Variants in ASTN2 observed in about 807,000 individuals in gnomAD.
ASTN2 encodes the protein astrotactin-2.
In ASTN2, 54 loss-of-function variants were observed where a neutral mutation model predicts 139.8. The observed-to-expected ratio is 0.39, with a 90% CI of 0.31 to 0.48. The LOEUF (loss-of-function observed/expected upper bound fraction) is 0.48. Among genes scored for constraint, ASTN2 ranks in the 20% least tolerant of loss-of-function variants. ASTN2 has a pLI of 0.95. For missense variants in ASTN2, 1,565 were observed against 1,725.1 expected, an observed-to-expected ratio of 0.91 and a Z score of 1.64; for synonymous variants, 756 against 719.5, an observed-to-expected ratio of 1.05 and a Z score of -0.81.
At chr9:117,334,074 G>C (rs1391205947) in intron 1 of ASTN2, among the ~76,000 whole-genome samples, 1 of 152,146 alleles carries the variant, frequency 6.6e-6, no homozygotes, top group Non-Finnish European at 1.5e-5. Context: ...CAGATCATAT[G>C]GTTTTCCACA....
intron 19 of ASTN2, among the ~76,000 whole-genome samples, chr9:116,604,544 G>A (rs949040910): frequency 3.3e-5 from 5 of 152,114 alleles, no homozygotes; most frequent in Non-Finnish European, 7.3e-5. Context: ...GAGAGCAGGC[G>A]GGTGAGGTCC....
chr9:116,620,620 G>A (rs1318988826), intron 17 of ASTN2, among the ~76,000 whole-genome samples, 177 bp from the exon 18 acceptor site: 1 of 152,060 alleles, frequency 6.6e-6, no homozygotes, highest in African/African-American at 2.4e-5. Flanking sequence ...CCCATCCTGA[G>A]CCATCCCCTC....
At chr9:117,187,914 C>T (rs1831243853) in intron 3 of ASTN2, among the ~76,000 whole-genome samples, 1 of 152,096 alleles carries the variant, frequency 6.6e-6, no homozygotes, top group Non-Finnish European at 1.5e-5. Context: ...TTTGTTCCTC[C>T]CACGTTCTTG....
At chr9:117,289,696 A>G (rs1353629091) in intron 2 of ASTN2, among the ~76,000 whole-genome samples, 2 of 152,156 alleles carry the variant, frequency 1.3e-5, no homozygotes, top group African/African-American at 2.4e-5. Flanking sequence ...CCCATGAGGA[A>G]CTCAGCAAGT....
chr9:116,540,473 C>T (rs1045642028), intron 19 of ASTN2: 3 of 152,198 alleles, frequency 2.0e-5, no homozygotes, highest in Non-Finnish European at 2.9e-5. Context: ...TGGAATAACA[C>T]GTGAAGAGAG....
At chr9:116,741,992 T>C (rs1363478663) in intron 13 of ASTN2, among the ~76,000 whole-genome samples, 1 of 152,224 alleles carries the variant, frequency 6.6e-6, no homozygotes, top group African/African-American at 2.4e-5. Context: ...TTGTCAGGCA[T>C]TAGGAATACA....
rs1304793268 is a variant in ASTN2 at position 117,364,982 on chromosome 9, CACACACACACACACACAA to C, written c.442+49497_442+49514del. On this transcript the variant is annotated intron_variant, in intron 1 of 22. Coordinates refer to ENST00000313400, the MANE Select transcript of ASTN2 (RefSeq NM_001365068.1). ...ACACACACACACACACACACACACA[CACACACACACACACACAA>C]AATCAGCCATGCATTATGGCATGCA... Among the ~76,000 whole-genome samples, 30 of 147,220 alleles carry C rather than the reference CACACACACACACACACAA, an allele frequency of 2.0e-4. No homozygotes were observed. In the East Asian group the frequency reaches 5.0e-3, roughly 25 times the overall value.
At position 117,214,636 on chromosome 9, in the gene ASTN2, G is replaced by C. The variant is rs777371906; in HGVS notation, c.737C>G (p.Thr246Arg). ...GTAGTGGATCTCATGAGTGGCTTCT[G>C]TGCTTGCGCTCTTCTGGGGGATGCG... is the stretch of plus-strand genomic sequence containing the variant. Reference protein sequence around the residue: ...RRRIPQKSASTEATHEIHYIP... With the variant: ...RRRIPQKSASREATHEIHYIP... The change falls in exon 3 of 23, where the codon ACA (threonine) becomes AGA (arginine). Residue 246 changes from threonine to arginine, a missense_variant. Physicochemically the swap from Thr to Arg is moderately conservative, Grantham distance 71 (BLOSUM62 -1). Around this residue, in one of 4 missense-constraint regions of ASTN2, gnomAD observed 596 missense variants for 576.8 expected, o/e 1.03. Coordinates refer to ENST00000313400, the MANE Select transcript of ASTN2 (RefSeq NM_001365068.1). 6.3e-7 allele frequency: 1 copy of C among 1,579,288 alleles called. No individual in the cohort carries two copies. The highest frequency in any genetic ancestry group is 8.7e-7 in the Non-Finnish European group (1 of 1,155,300).
chr9:116,442,651 AG>A, intron 20 of ASTN2, 98 bp from the exon 21 acceptor site: 1 of 930,292 alleles, frequency 1.1e-6, no homozygotes, highest in Non-Finnish European at 1.8e-6. Flanking sequence ...ATGAGGCTAC[AG>A]GAAAAATGAT....
At chr9:117,294,019 TGAG>T (rs1486121692) in intron 1 of ASTN2, among the ~76,000 whole-genome samples, 5 of 152,236 alleles carry the variant, frequency 3.3e-5, no homozygotes, top group Non-Finnish European at 1.5e-5. Flanking sequence ...TGTGGAAATC[TGAG>T]CTCCTTGCTC....
At chr9:116,993,874 A>ATTTTTT (rs200536593) in intron 7 of ASTN2, among the ~76,000 whole-genome samples, 6 of 134,356 alleles carry the variant, frequency 4.5e-5, no homozygotes, top group African/African-American at 1.6e-4. Flanking sequence ...ATATATATAT[A>ATTTTTT]TATTTTAACT....
chr9:116,982,145 C>T (rs1259274689), intron 7 of ASTN2, among the ~76,000 whole-genome samples: 1 of 152,200 alleles, frequency 6.6e-6, no homozygotes, highest in East Asian at 1.9e-4. Context: ...GGCCAGTAGG[C>T]TGGTGAAATA....
intron 1 of ASTN2, among the ~76,000 whole-genome samples, chr9:117,331,247 T>G (rs1828698085): frequency 6.6e-6 from 1 of 152,174 alleles, no homozygotes; most frequent in Non-Finnish European, 1.5e-5. Context: ...ACCTGAGCTA[T>G]TAGCTCCTTT....
chr9:117,151,544 C>T (rs1230245321), intron 3 of ASTN2, among the ~76,000 whole-genome samples: 2 of 152,060 alleles, frequency 1.3e-5, no homozygotes, highest in African/African-American at 4.8e-5. Flanking sequence ...GTGCTAAATG[C>T]TTAGGTAGAG....
chr9:116,982,523 CCA>C (rs1836539752), intron 7 of ASTN2, among the ~76,000 whole-genome samples: 1 of 151,378 alleles, frequency 6.6e-6, no homozygotes, highest in South Asian at 2.1e-4. Context: ...ACCCAAAAGA[CCA>C]CAGTTTCTTT....
At chr9:116,942,092 A>ACACACG (rs1349630960) in intron 10 of ASTN2, among the ~76,000 whole-genome samples, 11 of 141,680 alleles carry the variant, frequency 7.8e-5, no homozygotes, top group African/African-American at 2.9e-4. Context: ...GCACGCACGC[A>ACACACG]CACACACACA....
At chr9:117,393,112 G>A (rs1830583785) in intron 1 of ASTN2, among the ~76,000 whole-genome samples, 1 of 152,198 alleles carries the variant, frequency 6.6e-6, no homozygotes, top group Admixed American at 6.5e-5. Context: ...TGAAAGGCCA[G>A]CCCCTCCTCA....
At chr9:116,928,256 G>GGACTTTGGAAGCCTCAGAGAAAC (rs1315992535) in intron 10 of ASTN2, among the ~76,000 whole-genome samples, 18 of 152,088 alleles carry the variant, frequency 1.2e-4, no homozygotes, top group Non-Finnish European at 1.9e-4. Context: ...CACAGAGAAG[G>GGACTTTGGAAGCCTCAGAGAAAC]GACTTTGGAA....
At chr9:116,671,348 G>A (rs1298216208) in intron 16 of ASTN2, among the ~76,000 whole-genome samples, 1 of 152,072 alleles carries the variant, frequency 6.6e-6, no homozygotes. Context: ...CATCTATTGA[G>A]CACTTACCAA....
Sources: allele counts gnomAD v4.1 joint callset (sites outside exome capture counted in the v4.1 genomes callset), GRCh38; gene constraint gnomAD v4.1.1; regional missense constraint gnomAD v4.1.1; transcripts MANE v1.5; gene names NCBI Gene and HGNC (gene_info 2026-07-23, HGNC 2026-07-21).